FHIT: variants seen among roughly 807,000 people sequenced by gnomAD.
FHIT encodes bis(5'-adenosyl)-triphosphatase.
In FHIT, 19 loss-of-function variants were observed where a neutral mutation model predicts 17.9. That is an observed-to-expected ratio of 1.06 (90% CI 0.74 to 1.56). FHIT has a LOEUF of 1.56. Among genes scored for constraint, FHIT ranks in the 40% most tolerant of loss-of-function variants. The pLI is 0.00. For synonymous variants in FHIT, 81 were observed against 69.7 expected (o/e 1.16, Z -0.81); for missense variants, 248 against 189.2 (o/e 1.31, Z -1.82).
Position 60,432,379 on chromosome 3 carries a change from G to A in FHIT, c.103+104481C>T, listed in dbSNP as rs528646912. Among the ~76,000 whole-genome samples the A allele has an allele frequency of 6.6e-5, 10 of 152,120 alleles. No homozygotes were observed. The South Asian group carries it at 1.5e-3, about 22-fold the overall frequency. ...ATGAGTGTTGGACCTAATCTAGATA[G>A]CTACTACAATTATTAATGAAAAGGA... On this transcript the variant is annotated intron_variant, in intron 5 of 9. Transcript: ENST00000492590.
intron 1 of FHIT, among the ~76,000 whole-genome samples, chr3:61,207,035 T>C (rs1420567098): frequency 6.6e-6 from 1 of 152,228 alleles, no homozygotes; most frequent in South Asian, 2.1e-4. Context: ...TGAAGAGTTG[T>C]TGAATTTTGT....
intron 5 of FHIT, among the ~76,000 whole-genome samples, chr3:60,183,843 T>C (rs1037753785): frequency 6.6e-6 from 1 of 152,152 alleles, no homozygotes; most frequent in Non-Finnish European, 1.5e-5. Flanking sequence ...AATTTTAGAC[T>C]AGTTTTAAAT....
At chr3:61,103,270 T>A (rs907563633) in intron 2 of FHIT, among the ~76,000 whole-genome samples, 1 of 152,238 alleles carries the variant, frequency 6.6e-6, no homozygotes, top group African/African-American at 2.4e-5. Context: ...TTCTCATTGG[T>A]TTCAAAGAAC....
intron 3 of FHIT, among the ~76,000 whole-genome samples, chr3:60,966,987 A>G (rs1709777431): frequency 6.6e-6 from 1 of 152,228 alleles, no homozygotes; most frequent in Admixed American, 6.5e-5. Flanking sequence ...CATGGTTCTT[A>G]ATCATATTCC....
intron 5 of FHIT, among the ~76,000 whole-genome samples, chr3:60,072,032 C>G (rs942778386): frequency 2.0e-5 from 3 of 152,088 alleles, no homozygotes; most frequent in Non-Finnish European, 4.4e-5. Context: ...TTTACCAAGT[C>G]TCAGGTTTGT....
intron 5 of FHIT, among the ~76,000 whole-genome samples, chr3:60,118,828 G>C (rs1328782390): frequency 6.7e-6 from 1 of 148,816 alleles, no homozygotes; most frequent in African/African-American, 2.5e-5. Context: ...ACCAGCCTGG[G>C]CAACACGGCA....
intron 3 of FHIT, among the ~76,000 whole-genome samples, chr3:60,905,791 G>A (rs924918338): frequency 1.2e-4 from 18 of 152,178 alleles, no homozygotes; most frequent in African/African-American, 2.9e-4. Context: ...TTTTTATAAT[G>A]AAGACATGAA....
Position 60,460,709 on chromosome 3 carries a change from C to T in FHIT, c.103+76151G>A, listed in dbSNP as rs527571045. Among the ~76,000 whole-genome samples the T allele has an allele frequency of 5.3e-5, 8 of 152,228 alleles. 1 individual carries two copies. In the South Asian group the frequency reaches 8.3e-4, roughly 16 times the overall value. ...CCCACATGTGCTGTGATTTACAATC[C>T]TCAAAGCATTAAAGTTTAATTTGTG... On this transcript the variant is annotated intron_variant, in intron 5 of 9. Transcript: ENST00000492590.
intron 3 of FHIT, among the ~76,000 whole-genome samples, chr3:60,846,526 A>C (rs2106890085): frequency 6.6e-6 from 1 of 152,338 alleles, no homozygotes; most frequent in East Asian, 1.9e-4. Flanking sequence ...TGTAGGGTGC[A>C]AGTTACATTG....
chr3:60,589,314 A>G (rs2038005659), intron 4 of FHIT, among the ~76,000 whole-genome samples: 1 of 151,998 alleles, frequency 6.6e-6, no homozygotes, highest in Admixed American at 6.6e-5. Context: ...CACTTCAGAA[A>G]CACACTTTGT....
At chr3:60,876,331 A>G (rs1319432987) in intron 3 of FHIT, among the ~76,000 whole-genome samples, 1 of 152,240 alleles carries the variant, frequency 6.6e-6, no homozygotes, top group African/African-American at 2.4e-5. Context: ...TTGCCCCTGC[A>G]ATTAGAAGTA....
intron 2 of FHIT, among the ~76,000 whole-genome samples, chr3:61,139,515 A>C (rs2037013253): frequency 1.3e-5 from 2 of 151,976 alleles, no homozygotes; most frequent in African/African-American, 2.4e-5. Context: ...CTTTCACAAA[A>C]ATAGTCTGCC....
intron 4 of FHIT, among the ~76,000 whole-genome samples, chr3:60,740,642 C>T (rs2042222300): frequency 6.6e-6 from 1 of 152,174 alleles, no homozygotes; most frequent in Admixed American, 6.5e-5. Flanking sequence ...TACCATCATC[C>T]ATCTCTAGAA....
intron 5 of FHIT, among the ~76,000 whole-genome samples, chr3:60,042,322 T>C (rs187204300): frequency 6.6e-6 from 1 of 152,330 alleles, no homozygotes; most frequent in Admixed American, 6.5e-5. Flanking sequence ...ACCATCGATA[T>C]ATCCTTTGTA....
chr3:60,829,137 A>G (rs1282921822), intron 3 of FHIT, among the ~76,000 whole-genome samples: 4 of 152,238 alleles, frequency 2.6e-5, no homozygotes, highest in African/African-American at 9.6e-5. Context: ...AGCACCTACT[A>G]TGAGCCAAGC....
rs782557851 is a variant in FHIT, at chr3:60,728,553, AGTTT to A, written c.-18+93362_-18+93365del. 5.4e-4 allele frequency among the ~76,000 whole-genome samples: 82 copies of A among 152,052 alleles called. 2 individuals carry two copies. The highest frequency in any genetic ancestry group is 2.1e-3 in the Admixed American group (32 of 15,276). On this transcript the variant is annotated intron_variant, in intron 4 of 9. Transcript: ENST00000492590. ...CTCTTCCCATTAAATTCTACCTCGC[AGTTT>A]GTTTGTTTTTGTTTTATTTTGTTTT...
chr3:59,937,784 G>A (rs1015751633), intron 7 of FHIT, among the ~76,000 whole-genome samples: 3 of 151,996 alleles, frequency 2.0e-5, no homozygotes, highest in Admixed American at 1.3e-4. Flanking sequence ...TAAAACATTC[G>A]GCATAAATAG....
intron 4 of FHIT, among the ~76,000 whole-genome samples, chr3:60,720,544 C>A (rs2041786602): frequency 6.6e-6 from 1 of 152,064 alleles, no homozygotes; most frequent in Non-Finnish European, 1.5e-5. Context: ...AAAAACTAGA[C>A]CCCAAGCAGT....
chr3:60,326,606 G>T (rs974161147), intron 5 of FHIT, among the ~76,000 whole-genome samples: 7 of 152,162 alleles, frequency 4.6e-5, no homozygotes, highest in African/African-American at 1.7e-4. Context: ...GCAGGGGCTG[G>T]GGACCCCTGT....
Sources: gnomAD v4.1 joint callset for allele counts (sites outside exome capture counted in the v4.1 genomes callset) on GRCh38, gnomAD v4.1.1 for gene constraint, MANE v1.5 for transcripts, NCBI Gene and HGNC (gene_info 2026-07-23, HGNC 2026-07-21) for gene names.